The following CDH18 variants were observed in gnomAD, a reference collection of about 807,000 sequenced individuals.
CDH18 encodes cadherin-18.
In CDH18, 31 loss-of-function variants were observed where a neutral mutation model predicts 67.9. That is an observed-to-expected ratio of 0.46 (90% CI 0.34 to 0.62). The LOEUF is 0.62. Among genes scored for constraint, CDH18 ranks in the 20% least tolerant of loss-of-function variants. The pLI is 0.01. For missense variants in CDH18, 890 were observed against 975.5 expected (o/e 0.91, Z 1.17); for synonymous variants, 362 against 347.2 (o/e 1.04, Z -0.48).
chr5:20,501,272 G>T (rs1754232025), intron 1 of CDH18, among the ~76,000 whole-genome samples: 1 of 151,154 alleles, frequency 6.6e-6, no homozygotes, highest in South Asian at 2.1e-4. Context: ...TCCATGTGTA[G>T]TCACATTACT....
rs190531044 is a variant in CDH18 at position 20,295,707 on chromosome 5, A to G, written c.-579-40202T>C. On this transcript the variant is annotated intron_variant, in intron 1 of 14. Transcript: ENST00000507958. ...GTGCCACTGCACTCTAGCCTCGGCGACAGGTCGAGACTCTGTCTCAAAAAA... is the reference window on the plus strand; with the variant it reads ...GTGCCACTGCACTCTAGCCTCGGCGGCAGGTCGAGACTCTGTCTCAAAAAA... 6.6e-3 allele frequency among the ~76,000 whole-genome samples: 998 copies of G among 151,746 alleles called. 14 individuals carry two copies. The highest frequency in any genetic ancestry group is 0.023 in the African/African-American group (943 of 41,422).
At chr5:20,225,335 C>T (rs1356133066) in intron 2 of CDH18, among the ~76,000 whole-genome samples, 1 of 151,984 alleles carries the variant, frequency 6.6e-6, no homozygotes, top group African/African-American at 2.4e-5. Flanking sequence ...TATACAAAAT[C>T]CCTGAGATAA....
At chr5:20,356,411 C>T (rs1741611428) in intron 1 of CDH18, among the ~76,000 whole-genome samples, 1 of 151,762 alleles carries the variant, frequency 6.6e-6, no homozygotes, top group African/African-American at 2.4e-5. Flanking sequence ...ACCACAACAA[C>T]AAAAAACACT....
intron 1 of CDH18, among the ~76,000 whole-genome samples, chr5:20,558,873 A>T (rs1758054512): frequency 6.6e-6 from 1 of 151,900 alleles, no homozygotes; most frequent in East Asian, 1.9e-4. Flanking sequence ...CACAAAACAC[A>T]TGGAGAAGGC....
chr5:20,500,460 C>T (rs1412756974), intron 1 of CDH18, among the ~76,000 whole-genome samples: 4 of 152,062 alleles, frequency 2.6e-5, no homozygotes, highest in Non-Finnish European at 5.9e-5. Context: ...GTGAATTGGC[C>T]AGGGGCACCT....
chr5:20,343,806 T>C (rs527342471), intron 1 of CDH18, among the ~76,000 whole-genome samples: 3 of 152,290 alleles, frequency 2.0e-5, no homozygotes, highest in East Asian at 1.9e-4. Context: ...ATCTAATGGG[T>C]CTACCATTAA....
intron 1 of CDH18, among the ~76,000 whole-genome samples, chr5:20,441,412 G>T (rs890146018): frequency 6.6e-6 from 1 of 151,728 alleles, no homozygotes. Context: ...GTACAGGAAT[G>T]ATGTGTGTGC....
chr5:19,490,394 G>GTTTTTTTTTTTTTTTTTTTTTTTTTTTT (rs70950073), intron 11 of CDH18, among the ~76,000 whole-genome samples: 1 of 60,210 alleles, frequency 1.7e-5, no homozygotes, highest in Non-Finnish European at 3.0e-5. Context: ...ATAAAAATCT[G>GTTTTTTTTTTTTTTTTTTTTTTTTTTTT]TTTTTTTTTT....
At chr5:20,390,492 G>A (rs376635270) in intron 1 of CDH18, among the ~76,000 whole-genome samples, 2 of 152,098 alleles carry the variant, frequency 1.3e-5, no homozygotes, top group Non-Finnish European at 2.9e-5. Context: ...GAAACAACAG[G>A]TGCTGGAGAG....
intron 11 of CDH18, among the ~76,000 whole-genome samples, chr5:19,500,576 AT>A: frequency 6.6e-6 from 1 of 152,266 alleles, no homozygotes; most frequent in Non-Finnish European, 1.5e-5. Context: ...TTTCTGTGTT[AT>A]TTATAATTTC....
chr5:19,562,822 G>C (rs961286575), intron 8 of CDH18, among the ~76,000 whole-genome samples: 1 of 152,134 alleles, frequency 6.6e-6, no homozygotes, highest in African/African-American at 2.4e-5. Flanking sequence ...AGATGCAAAA[G>C]AAGGAAAGAT....
intron 2 of CDH18, among the ~76,000 whole-genome samples, chr5:20,243,626 T>C (rs1356358776): frequency 1.3e-5 from 2 of 152,066 alleles, no homozygotes; most frequent in African/African-American, 4.8e-5. Context: ...TACATTTATG[T>C]TGTTCCAAAA....
chr5:20,408,784 C>G (rs1012903487), intron 1 of CDH18, among the ~76,000 whole-genome samples: 1 of 151,656 alleles, frequency 6.6e-6, no homozygotes, highest in Non-Finnish European at 1.5e-5. Context: ...ACCAATAAAA[C>G]ATATGGAACA....
At chr5:20,498,177 G>A (rs536168084) in intron 1 of CDH18, among the ~76,000 whole-genome samples, 12 of 151,726 alleles carry the variant, frequency 7.9e-5, no homozygotes, top group Non-Finnish European at 7.4e-5. Flanking sequence ...TATACTTTGC[G>A]GATTAGTAAC....
intron 1 of CDH18, among the ~76,000 whole-genome samples, chr5:20,544,465 G>T (rs979995412): frequency 1.3e-5 from 2 of 152,092 alleles, no homozygotes; most frequent in African/African-American, 4.8e-5. Context: ...ATAAAGAAAG[G>T]ATAGTTAATT....
chr5:20,084,202 T>G (rs1273084814), intron 2 of CDH18, among the ~76,000 whole-genome samples: 1 of 152,142 alleles, frequency 6.6e-6, no homozygotes, highest in Non-Finnish European at 1.5e-5. Context: ...CCTTTACAAG[T>G]GGGAGACATT....
At chr5:20,417,042 T>C (rs1166129517) in intron 1 of CDH18, among the ~76,000 whole-genome samples, 1 of 152,176 alleles carries the variant, frequency 6.6e-6, no homozygotes, top group African/African-American at 2.4e-5. Context: ...TAAATGAGTT[T>C]CCTCATAAGT....
intron 1 of CDH18, among the ~76,000 whole-genome samples, chr5:20,517,601 C>A (rs913054523): frequency 6.6e-6 from 1 of 151,754 alleles, no homozygotes; most frequent in Non-Finnish European, 1.5e-5. Flanking sequence ...TGTACACATA[C>A]CAAGGCTATA....
chr5:19,866,236 T>C (rs1456863216), intron 2 of CDH18, among the ~76,000 whole-genome samples: 1 of 152,200 alleles, frequency 6.6e-6, no homozygotes, highest in Non-Finnish European at 1.5e-5. Flanking sequence ...CAGTCTGGAA[T>C]GGGGATTGTG....
Sources: gnomAD v4.1 joint callset for allele counts (sites outside exome capture counted in the v4.1 genomes callset) on GRCh38, gnomAD v4.1.1 for gene constraint, MANE v1.5 for transcripts, NCBI Gene and HGNC (gene_info 2026-07-23, HGNC 2026-07-21) for gene names.